The following MTUS2 variants were observed in gnomAD, a reference collection of about 807,000 sequenced individuals.
MTUS2 encodes microtubule-associated tumor suppressor candidate 2.
MTUS2 carries 40 observed loss-of-function variants against 114.1 expected under a neutral mutation model. The ratio of observed to expected loss-of-function variants is 0.35; its 90% CI spans 0.27 to 0.46. MTUS2 has a LOEUF of 0.46. MTUS2 is among the 20% of genes least tolerant of loss of function. The pLI, the probability that MTUS2 is intolerant of heterozygous loss-of-function variation, is 1.00. For missense variants in MTUS2, 1,679 were observed against 1,705.4 expected, an observed-to-expected ratio of 0.98 and a Z score of 0.27; for synonymous variants, 688 against 672.0, an observed-to-expected ratio of 1.02 and a Z score of -0.37.
intron 10 of MTUS2, chr13:29,485,014 C>T (rs774951457): frequency 2.6e-5 from 4 of 152,366 alleles, no homozygotes; most frequent in African/African-American, 9.6e-5. Flanking sequence ...ACAGACACCT[C>T]CATGGCCCAG....
At chr13:29,013,298 C>T (rs74758621) in intron 2 of MTUS2, among the ~76,000 whole-genome samples, 1 of 151,918 alleles carries the variant, frequency 6.6e-6, no homozygotes, top group East Asian at 1.9e-4. Flanking sequence ...CTTTTCAAAC[C>T]TGTCTCATGA....
At chr13:29,004,090 G>A (rs1164775879) in intron 2 of MTUS2, among the ~76,000 whole-genome samples, 1 of 152,162 alleles carries the variant, frequency 6.6e-6, no homozygotes, top group African/African-American at 2.4e-5. Context: ...CCCAAAAGTA[G>A]GAAGTTGGTT....
chr13:28,844,765 C>A lies in MTUS2; in HGVS notation c.-243+4915C>A, dbSNP rs755530179. Among the ~76,000 whole-genome samples, 12 of 152,164 alleles carry A rather than the reference C, an allele frequency of 7.9e-5. No homozygotes were observed. In the South Asian group the frequency reaches 2.3e-3, roughly 29 times the overall value. ...CTGAGGAGCAGGGACTACAGGCGCA[C>A]GCCACCACACCCATCTAATTTTTTT... On this transcript the variant is annotated intron_variant, in intron 2 of 15. Transcript: ENST00000612955.
intron 5 of MTUS2, among the ~76,000 whole-genome samples, chr13:29,154,521 C>A (rs1432751976): frequency 1.3e-5 from 2 of 152,306 alleles, no homozygotes; most frequent in South Asian, 2.1e-4. Flanking sequence ...GAATCAATTT[C>A]ATAAATAATA....
intron 2 of MTUS2, among the ~76,000 whole-genome samples, chr13:28,904,943 G>A (rs951522619): frequency 1.3e-5 from 2 of 151,482 alleles, no homozygotes; most frequent in Non-Finnish European, 1.5e-5. Flanking sequence ...GCAGTGGTTT[G>A]TAGTTCTCCT....
chr13:29,218,902 A>G (rs1303739547), intron 5 of MTUS2, among the ~76,000 whole-genome samples: 1 of 152,108 alleles, frequency 6.6e-6, no homozygotes, highest in Admixed American at 6.6e-5. Flanking sequence ...GATTTTCACA[A>G]AGGTAAATGA....
At chr13:29,069,048 C>A (rs1290696787) in intron 4 of MTUS2, among the ~76,000 whole-genome samples, 1 of 152,026 alleles carries the variant, frequency 6.6e-6, no homozygotes. Context: ...AAGGACAGCC[C>A]AACTTAGGTA....
chr13:29,136,010 C>T (rs1379906678), intron 5 of MTUS2, among the ~76,000 whole-genome samples: 2 of 152,156 alleles, frequency 1.3e-5, no homozygotes, highest in Non-Finnish European at 2.9e-5. Context: ...TTGTATTAGA[C>T]TCTTAAGTCC....
At chr13:29,123,380 T>A (rs560569359) in intron 5 of MTUS2, among the ~76,000 whole-genome samples, 2 of 152,320 alleles carry the variant, frequency 1.3e-5, no homozygotes, top group African/African-American at 4.8e-5. Context: ...TTCATCTTCA[T>A]TTGTTGACTT....
At chr13:28,922,792 T>G (rs976704353) in intron 2 of MTUS2, among the ~76,000 whole-genome samples, 2 of 152,208 alleles carry the variant, frequency 1.3e-5, no homozygotes, top group Non-Finnish European at 2.9e-5. Flanking sequence ...CCAGGTACTA[T>G]GAGTGTTGAT....
chr13:28,949,010 C>A (rs891019865), intron 2 of MTUS2, among the ~76,000 whole-genome samples: 4 of 152,082 alleles, frequency 2.6e-5, no homozygotes, highest in Non-Finnish European at 5.9e-5. Context: ...TTTACCATAT[C>A]CAGTGTATTT....
intron 2 of MTUS2, among the ~76,000 whole-genome samples, chr13:28,960,628 C>T (rs995678697): frequency 6.6e-6 from 1 of 152,090 alleles, no homozygotes; most frequent in South Asian, 2.1e-4. Context: ...TGATTCCACT[C>T]AAACATGAAA....
At chr13:28,940,998 A>G (rs1419292717) in intron 2 of MTUS2, among the ~76,000 whole-genome samples, 1 of 152,102 alleles carries the variant, frequency 6.6e-6, no homozygotes, top group Non-Finnish European at 1.5e-5. Flanking sequence ...TGAGGCAAGG[A>G]TCATTACTGG....
At chr13:29,492,285 T>C (rs1210402553) in intron 11 of MTUS2, among the ~76,000 whole-genome samples, 2 of 150,642 alleles carry the variant, frequency 1.3e-5, no homozygotes, top group African/African-American at 4.9e-5. Flanking sequence ...TGGCATGTGG[T>C]GTGTATGTGA....
At position 28,882,766 on chromosome 13, in the gene MTUS2, A is replaced by G. The variant is rs571280529; in HGVS notation, c.-243+42916A>G. ...AAATTTTTTTTTAAATAGACAATCA[A>G]AACTAAAAACTGCTTTTCAAAAGAC... On this transcript the variant is annotated intron_variant, in intron 2 of 15. Transcript: ENST00000612955. Among the ~76,000 whole-genome samples, 8 of 152,264 alleles carry G rather than the reference A, an allele frequency of 5.3e-5. 1 individual carries two copies. The highest frequency in any genetic ancestry group is 4.2e-4 in the South Asian group (2 of 4,816).
At chr13:28,849,370 T>C (rs1161473) in intron 2 of MTUS2, among the ~76,000 whole-genome samples, 2 of 152,074 alleles carry the variant, frequency 1.3e-5, no homozygotes, top group African/African-American at 4.8e-5. Flanking sequence ...GCATCAGCTT[T>C]TTTGCAGAGC....
chr13:29,047,201 T>C (rs1034614129), intron 4 of MTUS2, among the ~76,000 whole-genome samples: 7 of 152,192 alleles, frequency 4.6e-5, no homozygotes, highest in Non-Finnish European at 8.8e-5. Flanking sequence ...TTGCAGAAAT[T>C]ATACAACTTC....
At chr13:29,375,441 C>G (rs1194407550) in intron 8 of MTUS2, among the ~76,000 whole-genome samples, 2 of 125,140 alleles carry the variant, frequency 1.6e-5, no homozygotes, top group Admixed American at 1.7e-4. Context: ...ACCGCAATTA[C>G]TTACTTTTAA....
rs112114934 is a variant in MTUS2 at position 28,991,454 on chromosome 13, C to T, written c.-242-33003C>T. 3.5e-3 allele frequency among the ~76,000 whole-genome samples: 532 copies of T among 151,578 alleles called. 2 individuals carry two copies. Among genetic ancestry groups the T allele is most frequent in the African/African-American group, 0.012 (505 of 41,306 alleles). Reference sequence around the variant, plus strand: ...TGCGATCTTGGCTCACTGCAAGCTCCGCCTCCCGGGTTCACGCCATTCTCC... The same window carrying T: ...TGCGATCTTGGCTCACTGCAAGCTCTGCCTCCCGGGTTCACGCCATTCTCC... On this transcript the variant is annotated intron_variant, in intron 2 of 15. Coordinates refer to ENST00000612955, the MANE Select transcript of MTUS2 (RefSeq NM_001033602.4).
Sources: gnomAD v4.1 joint callset for allele counts (sites outside exome capture counted in the v4.1 genomes callset) on GRCh38, gnomAD v4.1.1 for gene constraint, MANE v1.5 for transcripts, NCBI Gene and HGNC (gene_info 2026-07-23, HGNC 2026-07-21) for gene names.